UBE2E3: variants seen among roughly 807,000 people sequenced by gnomAD.
UBE2E3 encodes ubiquitin-conjugating enzyme E2 E3.
A neutral mutation model predicts 23.6 loss-of-function variants in UBE2E3; 5 were observed. The ratio of observed to expected loss-of-function variants is 0.21; its 90% CI spans 0.11 to 0.44. The LOEUF (loss-of-function observed/expected upper bound fraction) is 0.44. Ranked by LOEUF, UBE2E3 falls within the 20% of genes least tolerant of loss-of-function variation. UBE2E3 has a pLI of 0.99. For missense variants in UBE2E3, 81 were observed against 249.8 expected (o/e 0.32, Z 4.55); for synonymous variants, 78 against 87.5 (o/e 0.89, Z 0.60).
In UBE2E3 at chr2:181,044,408, G is replaced by T. The variant is rs75982812; in HGVS notation, c.246-13285G>T. Among the ~76,000 whole-genome samples, 974 of 152,176 alleles carry T rather than the reference G, an allele frequency of 6.4e-3. 5 individuals are homozygous for T. Among genetic ancestry groups the T allele is most frequent in the Non-Finnish European group, 0.011 (730 of 67,992 alleles). ...CTATGGCACTATGTATGGCAAGAAG[G>T]ATGCCAAATATCACTTCAGGGCAAA... On this transcript the variant is annotated intron_variant, in intron 3 of 5. Transcript: ENST00000410062.
intron 3 of UBE2E3, chr2:180,987,351 C>T (rs1441144039): frequency 6.5e-7 from 1 of 1,549,964 alleles, no homozygotes. Context: ...GTGTCCTTGT[C>T]CTCTCCTAGT....
intron 3 of UBE2E3, among the ~76,000 whole-genome samples, chr2:181,011,415 G>A (rs1374507904): frequency 6.6e-6 from 1 of 151,924 alleles, no homozygotes; most frequent in Non-Finnish European, 1.5e-5. Context: ...CTCACTCTAG[G>A]GTGGAGCTCC....
intron 3 of UBE2E3, among the ~76,000 whole-genome samples, chr2:181,015,388 T>C (rs961600333): frequency 6.6e-6 from 1 of 152,150 alleles, no homozygotes. Context: ...TAGAACATTT[T>C]GTCAATAACT....
At chr2:180,983,647 G>A (rs1684369362) in intron 2 of UBE2E3, among the ~76,000 whole-genome samples, 2 of 152,156 alleles carry the variant, frequency 1.3e-5, no homozygotes, top group African/African-American at 2.4e-5. Flanking sequence ...TTTTACCTCA[G>A]TAAAAGTCAC....
At chr2:181,031,479 G>A (rs1326326171) in intron 3 of UBE2E3, among the ~76,000 whole-genome samples, 1 of 151,630 alleles carries the variant, frequency 6.6e-6, no homozygotes, top group African/African-American at 2.4e-5. Context: ...TTGTTTTTTT[G>A]TCATTTTAAA....
chr2:181,053,801 C>T (rs927365873), intron 3 of UBE2E3, among the ~76,000 whole-genome samples: 4 of 151,760 alleles, frequency 2.6e-5, no homozygotes, highest in African/African-American at 9.7e-5. Context: ...GCCATTCATA[C>T]CATACAGAAA....
intron 3 of UBE2E3, among the ~76,000 whole-genome samples, chr2:181,036,771 C>T (rs1447682090): frequency 6.6e-6 from 1 of 152,192 alleles, no homozygotes; most frequent in Non-Finnish European, 1.5e-5. Context: ...GTATAGCTCA[C>T]ATTTATTTCA....
intron 3 of UBE2E3, among the ~76,000 whole-genome samples, chr2:181,002,700 G>C (rs1209656774): frequency 6.6e-6 from 1 of 152,170 alleles, no homozygotes; most frequent in Non-Finnish European, 1.5e-5. Flanking sequence ...TTGAAATGTA[G>C]TGTTAAAATA....
At chr2:180,995,739 A>AT (rs781291410) in intron 3 of UBE2E3, among the ~76,000 whole-genome samples, 2,300 of 125,262 alleles carry the variant, frequency 0.018, 54 homozygotes, top group African/African-American at 0.059. Flanking sequence ...TTCAGGCTGG[A>AT]TTTTTTTTTT....
intron 3 of UBE2E3, among the ~76,000 whole-genome samples, chr2:181,003,794 A>G (rs1002072537): frequency 7.2e-5 from 11 of 152,254 alleles, no homozygotes; most frequent in African/African-American, 1.9e-4. Flanking sequence ...ATACATGCCC[A>G]TTTGAATATG....
intron 3 of UBE2E3, among the ~76,000 whole-genome samples, chr2:181,050,809 G>A (rs1331772623): frequency 6.6e-6 from 1 of 151,754 alleles, no homozygotes; most frequent in Non-Finnish European, 1.5e-5. Flanking sequence ...TAAAGCACCT[G>A]GCAAAGAGTG....
chr2:181,049,668 A>G (rs1427780934), intron 3 of UBE2E3, among the ~76,000 whole-genome samples: 1 of 152,050 alleles, frequency 6.6e-6, no homozygotes, highest in East Asian at 1.9e-4. Context: ...TCAAGAAAGC[A>G]TTATTGCATT....
Position 181,041,232 on chromosome 2 carries a change from CTCAAAAA to C in UBE2E3, c.246-16460_246-16454del, listed in dbSNP as rs977879496. On this transcript the variant is annotated intron_variant, in intron 3 of 5. Transcript: ENST00000410062. ...CACTAACGACAGAGCAAGACTCCGT[CTCAAAAA>C]AAAAAAAAAAAAAAGATAGATTTTT... Among the ~76,000 whole-genome samples, 25 of 31,888 alleles carry C rather than the reference CTCAAAAA, an allele frequency of 7.8e-4. 2 individuals carry two copies. Among genetic ancestry groups the C allele is most frequent in the Non-Finnish European group, 1.2e-3 (20 of 17,202 alleles). The allele number at this position is 31,888 out of a possible 152,430, so 20.9% of individuals were successfully genotyped here. A position where few individuals can be genotyped will look rare whatever the true frequency, so the allele number is the denominator to read the frequency against.
intron 3 of UBE2E3, 40 bp downstream of exon 3, chr2:180,984,133 A>G (rs762754920): frequency 1.3e-6 from 2 of 1,537,510 alleles, no homozygotes. Flanking sequence ...CAAATTGTGG[A>G]AAAATACCAA....
chr2:180,992,094 C>G (rs1057131519), intron 3 of UBE2E3, among the ~76,000 whole-genome samples: 2 of 152,052 alleles, frequency 1.3e-5, no homozygotes, highest in African/African-American at 4.8e-5. Flanking sequence ...TTCCTAATAG[C>G]TGATTTTGGT....
At chr2:181,041,798 T>G (rs1686513964) in intron 3 of UBE2E3, among the ~76,000 whole-genome samples, 1 of 152,192 alleles carries the variant, frequency 6.6e-6, no homozygotes, top group African/African-American at 2.4e-5. Context: ...GTGCTTTCAC[T>G]AGGTGAATTG....
chr2:181,039,376 A>C (rs1443095633), intron 3 of UBE2E3, among the ~76,000 whole-genome samples: 1 of 152,124 alleles, frequency 6.6e-6, no homozygotes, highest in Non-Finnish European at 1.5e-5. Context: ...ATATACTTTT[A>C]GTTCAAAAAG....
Position 181,057,839 on chromosome 2 carries a change from A to AGT in UBE2E3, c.378+16_378+17dup. The AGT allele has an allele frequency of 6.2e-7, 1 of 1,610,032 alleles. No individual in the cohort carries two copies. The highest frequency in any genetic ancestry group is 8.5e-7 in the Non-Finnish European group (1 of 1,177,622). On this transcript the variant is annotated intron_variant, in intron 4 of 5. Coordinates refer to ENST00000410062, the MANE Select transcript of UBE2E3 (RefSeq NM_006357.4). The stretch of plus-strand genomic sequence containing the variant: ...AAGCCACCAAAGGTAAGAAGCTTGA[A>AGT]GTGCATTCTTTAGTATTTAATCCTT...
chr2:181,048,839 T>C (rs1204664578), intron 3 of UBE2E3, among the ~76,000 whole-genome samples: 1 of 152,144 alleles, frequency 6.6e-6, no homozygotes. Flanking sequence ...AGAAGCTACC[T>C]GTGTTCTCCG....
Sources: gnomAD v4.1 joint callset for allele counts (sites outside exome capture counted in the v4.1 genomes callset) on GRCh38, gnomAD v4.1.1 for gene constraint, MANE v1.5 for transcripts, NCBI Gene and HGNC (gene_info 2026-07-23, HGNC 2026-07-21) for gene names.